Variants in SORCS3 observed in about 807,000 individuals in gnomAD.
SORCS3 encodes the protein sortilin related VPS10 domain containing receptor 3, also known as VPS10 domain-containing receptor SorCS3.
In SORCS3, 57 loss-of-function variants were observed where a neutral mutation model predicts 146.3. The ratio of observed to expected loss-of-function variants is 0.39; its 90% confidence interval spans 0.31 to 0.49. The LOEUF is 0.49. Among genes scored for constraint, SORCS3 ranks in the 20% least tolerant of loss-of-function variants. The probability of loss-of-function intolerance (pLI) is 0.92; values close to 1 mark genes in which losing one functional copy is unlikely to be tolerated. For missense variants in SORCS3, 1,341 were observed against 1,575.5 expected (o/e 0.85, Z 2.52); for synonymous variants, 653 against 618.5 (o/e 1.06, Z -0.83).
At chr10:105,033,168 T>A (rs2055281541) in intron 4 of SORCS3, among the ~76,000 whole-genome samples, 1 of 152,198 alleles carries the variant, frequency 6.6e-6, no homozygotes, top group Non-Finnish European at 1.5e-5. Flanking sequence ...GGAAATGATT[T>A]GTAAATAAAG....
intron 1 of SORCS3, among the ~76,000 whole-genome samples, chr10:104,840,191 G>A (rs2018121807): frequency 6.6e-6 from 1 of 151,984 alleles, no homozygotes. Context: ...TGTTCTCATG[G>A]CAGCTACTGA....
chr10:105,034,334 AAAGCCC>A (rs2055291357), intron 4 of SORCS3, among the ~76,000 whole-genome samples: 3 of 152,174 alleles, frequency 2.0e-5, no homozygotes, highest in Admixed American at 1.3e-4. Context: ...AGCATGTGCA[AAAGCCC>A]TGAGACTAGA....
rs1173445899 is a variant in SORCS3, at chr10:105,158,450, A to G, written c.1630-442A>G. ...GAGACAATCTGGCTGAAGAAGGTGG[A>G]GGGCCTGGCCTAGTTCACATAGCTT... On this transcript the variant is annotated intron_variant, in intron 10 of 26. Coordinates refer to ENST00000369701, the MANE Select transcript of SORCS3 (RefSeq NM_014978.3). 7.2e-5 allele frequency among the ~76,000 whole-genome samples: 11 copies of G among 152,346 alleles called. No individual in the cohort carries two copies. In the South Asian group the frequency reaches 2.3e-3, roughly 32 times the overall value.
Position 104,906,532 on chromosome 10 carries a change from T to C in SORCS3, c.696-9301T>C, listed in dbSNP as rs541803146. 9.2e-5 allele frequency among the ~76,000 whole-genome samples: 14 copies of C among 152,314 alleles called. No individual in the cohort carries two copies. The South Asian group carries it at 2.5e-3, about 27-fold the overall frequency. On this transcript the variant is annotated intron_variant, in intron 2 of 26. Transcript: ENST00000369701. Reference sequence around the variant, plus strand: ...ACAGACAGTGAAGTGAACCCTCTGATAGTAGGGCTATATAAGCTTCACAAA... The same window carrying C: ...ACAGACAGTGAAGTGAACCCTCTGACAGTAGGGCTATATAAGCTTCACAAA...
chr10:104,926,307 A>T (rs1387061924), intron 3 of SORCS3, among the ~76,000 whole-genome samples: 2 of 152,222 alleles, frequency 1.3e-5, no homozygotes, highest in Non-Finnish European at 2.9e-5. Flanking sequence ...AAATGGTCCC[A>T]CTTTTGTTAA....
intron 18 of SORCS3, among the ~76,000 whole-genome samples, chr10:105,215,483 G>T (rs1025303483): frequency 6.6e-6 from 1 of 152,176 alleles, no homozygotes; most frequent in African/African-American, 2.4e-5. Flanking sequence ...GGTGGTGAAG[G>T]TTCCTTATCC....
chr10:104,822,018 A>G, intron 1 of SORCS3: 1 of 497,206 alleles, frequency 2.0e-6, no homozygotes. Flanking sequence ...CTTTCATACC[A>G]TCTCAGCCTA....
At position 104,816,324 on chromosome 10, in the gene SORCS3, T is replaced by C. The variant is rs141387777; in HGVS notation, c.628-26468T>C. ...GTTAATTTGCTTTTCTTTAATCTGCTGAAAGCAAGATGCCAGGCCTTTTTT... is the reference window on the plus strand; with the variant it reads ...GTTAATTTGCTTTTCTTTAATCTGCCGAAAGCAAGATGCCAGGCCTTTTTT... On this transcript the variant is annotated intron_variant, in intron 1 of 26. Coordinates refer to ENST00000369701, the MANE Select transcript of SORCS3 (RefSeq NM_014978.3). Among the ~76,000 whole-genome samples, 20 of 152,358 alleles carry C rather than the reference T, an allele frequency of 1.3e-4. No individual in the cohort carries two copies. The East Asian group carries it at 3.7e-3, about 28-fold the overall frequency.
chr10:104,964,304 G>A (rs561561796), intron 3 of SORCS3, among the ~76,000 whole-genome samples: 3 of 152,192 alleles, frequency 2.0e-5, no homozygotes, highest in African/African-American at 7.2e-5. Flanking sequence ...AGCCTACTGG[G>A]CTCCTACATC....
chr10:104,880,114 G>A (rs1456053311), intron 2 of SORCS3, among the ~76,000 whole-genome samples: 2 of 152,136 alleles, frequency 1.3e-5, no homozygotes, highest in African/African-American at 4.8e-5. Flanking sequence ...TTCCTGGAGG[G>A]CGGCAAGCCT....
At chr10:105,255,004 C>A (rs1159542895) in intron 23 of SORCS3, among the ~76,000 whole-genome samples, 1 of 149,882 alleles carries the variant, frequency 6.7e-6, no homozygotes, top group Admixed American at 6.6e-5. Context: ...CTGGCTAACA[C>A]GGTGAAACCC....
At chr10:105,171,137 G>T (rs1449236585) in intron 13 of SORCS3, among the ~76,000 whole-genome samples, 5 of 152,104 alleles carry the variant, frequency 3.3e-5, no homozygotes, top group African/African-American at 1.2e-4. Flanking sequence ...ACCTTTAAGA[G>T]AAAATAAGAG....
chr10:105,227,821 ATTT>A (rs775430550), intron 20 of SORCS3, among the ~76,000 whole-genome samples: 5 of 149,208 alleles, frequency 3.4e-5, no homozygotes, highest in Non-Finnish European at 6.0e-5. Flanking sequence ...TTTGTTTTTT[ATTT>A]TTTTTTACTT....
At chr10:104,814,071 G>T (rs189356478) in intron 1 of SORCS3, among the ~76,000 whole-genome samples, 49 of 151,864 alleles carry the variant, frequency 3.2e-4, no homozygotes, top group African/African-American at 1.2e-3. Context: ...TCATGCACAG[G>T]CTCTTCTAGA....
intron 5 of SORCS3, among the ~76,000 whole-genome samples, chr10:105,056,974 T>C (rs1203567693): frequency 6.6e-6 from 1 of 152,214 alleles, no homozygotes; most frequent in Non-Finnish European, 1.5e-5. Flanking sequence ...GTTTGCTGCA[T>C]ATGTACATAG....
At chr10:104,767,953 G>C (rs1039718762) in intron 1 of SORCS3, among the ~76,000 whole-genome samples, 2 of 151,912 alleles carry the variant, frequency 1.3e-5, no homozygotes, top group Non-Finnish European at 2.9e-5. Context: ...ATTGCTCATC[G>C]TACTCCAGTA....
chr10:104,996,556 C>T (rs1033674665), intron 4 of SORCS3, among the ~76,000 whole-genome samples: 1 of 151,148 alleles, frequency 6.6e-6, no homozygotes, highest in African/African-American at 2.4e-5. Flanking sequence ...TTGAACAATT[C>T]AACCAACTAA....
intron 23 of SORCS3, among the ~76,000 whole-genome samples, chr10:105,254,061 A>C (rs554924391): frequency 1.3e-5 from 2 of 152,224 alleles, no homozygotes; most frequent in Non-Finnish European, 2.9e-5. Context: ...CTCAGCTTTC[A>C]TGTGGGAATT....
intron 3 of SORCS3, among the ~76,000 whole-genome samples, chr10:104,943,086 T>C (rs1277361646): frequency 1.3e-5 from 2 of 152,210 alleles, no homozygotes; most frequent in African/African-American, 4.8e-5. Flanking sequence ...ATAATGTCAA[T>C]GTATAAAAGT....
Sources: allele counts gnomAD v4.1 joint callset (sites outside exome capture counted in the v4.1 genomes callset), GRCh38; gene constraint gnomAD v4.1.1; transcripts MANE v1.5; gene names NCBI Gene and HGNC (gene_info 2026-07-23, HGNC 2026-07-21).